Variants in SPOPL observed in about 807,000 individuals in gnomAD.
SPOPL encodes speckle-type POZ protein-like.
In SPOPL, 23 loss-of-function variants were observed where a neutral mutation model predicts 53.8. The ratio of observed to expected loss-of-function variants is 0.43; its 90% CI spans 0.31 to 0.61. The LOEUF (loss-of-function observed/expected upper bound fraction) is 0.61, where lower values mean the gene tolerates loss of function less well. SPOPL is among the 20% of genes least tolerant of loss of function. The probability of loss-of-function intolerance (pLI) is 0.12; values close to 1 mark genes in which losing one functional copy is unlikely to be tolerated. For missense variants in SPOPL, 442 were observed against 466.9 expected, an observed-to-expected ratio of 0.95 and a Z score of 0.49; for synonymous variants, 164 against 149.7, an observed-to-expected ratio of 1.10 and a Z score of -0.70.
chr2:138,520,104 G>A (rs1684524763), intron 1 of SPOPL, among the ~76,000 whole-genome samples: 1 of 152,152 alleles, frequency 6.6e-6, no homozygotes, highest in Non-Finnish European at 1.5e-5. Flanking sequence ...GTAAAAGAAT[G>A]TTACTATAGT....
At chr2:138,521,404 A>G (rs1318470349) in intron 1 of SPOPL, among the ~76,000 whole-genome samples, 1 of 151,270 alleles carries the variant, frequency 6.6e-6, no homozygotes, top group Admixed American at 6.6e-5. Context: ...GTTGCCATGG[A>G]AAATGACATT....
chr2:138,510,783 A>C (rs936145864), intron 1 of SPOPL, among the ~76,000 whole-genome samples: 1 of 152,194 alleles, frequency 6.6e-6, no homozygotes, highest in Non-Finnish European at 1.5e-5. Flanking sequence ...TGTTTTAGGA[A>C]ATTCCTCTGT....
At chr2:138,532,781 A>G (rs891143602) in intron 1 of SPOPL, among the ~76,000 whole-genome samples, 1 of 151,988 alleles carries the variant, frequency 6.6e-6, no homozygotes, top group Non-Finnish European at 1.5e-5. Flanking sequence ...TTGAAATGTC[A>G]GCCCACCTTT....
chr2:138,566,144 T>C (rs1685654956), intron 10 of SPOPL, among the ~76,000 whole-genome samples: 1 of 152,202 alleles, frequency 6.6e-6, no homozygotes, highest in East Asian at 1.9e-4. Flanking sequence ...CTTATTAGTT[T>C]GTAGATTCTG....
chr2:138,554,374 A>C (rs187896552), intron 5 of SPOPL: 175 of 966,284 alleles, frequency 1.8e-4, no homozygotes, highest in Non-Finnish European at 1.1e-5. Flanking sequence ...GGTACTTTTA[A>C]CTAACATTCT....
chr2:138,546,573 A>C (rs142312150), intron 1 of SPOPL, among the ~76,000 whole-genome samples: 1,655 of 152,240 alleles, frequency 0.011, 34 homozygotes, highest in African/African-American at 0.038. Context: ...TTGGACAGTT[A>C]TTATTTTCTG....
intron 1 of SPOPL, among the ~76,000 whole-genome samples, chr2:138,542,702 G>C (rs1237216652): frequency 6.6e-6 from 1 of 152,168 alleles, no homozygotes; most frequent in African/African-American, 2.4e-5. Flanking sequence ...TTGCCAGTCT[G>C]TGTCTTTTAA....
chr2:138,525,300 C>T (rs953554708), intron 1 of SPOPL, among the ~76,000 whole-genome samples: 9 of 152,062 alleles, frequency 5.9e-5, no homozygotes, highest in African/African-American at 1.9e-4. Context: ...GGGAAAGACC[C>T]GCCCCCATGA....
chr2:138,562,803 A>G (rs1356298445), intron 8 of SPOPL, among the ~76,000 whole-genome samples: 3 of 150,922 alleles, frequency 2.0e-5, no homozygotes, highest in East Asian at 1.9e-4. Flanking sequence ...AAAAAAAAAA[A>G]GTAATGCAAA....
chr2:138,533,901 A>G (rs1684871643), intron 1 of SPOPL, among the ~76,000 whole-genome samples: 2 of 152,188 alleles, frequency 1.3e-5, no homozygotes, highest in Non-Finnish European at 2.9e-5. Flanking sequence ...CTCCTAGAAG[A>G]TGAATGAGCT....
chr2:138,540,128 A>G (rs193071019), intron 1 of SPOPL, among the ~76,000 whole-genome samples: 1,899 of 152,298 alleles, frequency 0.012, 41 homozygotes, highest in South Asian at 0.052. Flanking sequence ...TACCAGTACC[A>G]TGCTGTTTTG....
chr2:138,504,819 A>G (rs974382011), intron 1 of SPOPL, among the ~76,000 whole-genome samples: 4 of 152,266 alleles, frequency 2.6e-5, no homozygotes, highest in Non-Finnish European at 4.4e-5. Context: ...GCTCCTGTAC[A>G]GAGAAGAGTA....
chr2:138,559,928 G>C (rs955251054), intron 7 of SPOPL, among the ~76,000 whole-genome samples: 3 of 152,052 alleles, frequency 2.0e-5, no homozygotes, highest in South Asian at 2.1e-4. Flanking sequence ...TATTCTTTCT[G>C]CAGAACTAGA....
At chr2:138,530,796 T>C (rs72860810) in intron 1 of SPOPL, among the ~76,000 whole-genome samples, 73,658 of 151,998 alleles carry the variant, frequency 0.48, 22,030 homozygotes, top group Non-Finnish European at 0.67. Flanking sequence ...CCAATTCTTA[T>C]GCTTTTCATT....
intron 1 of SPOPL, among the ~76,000 whole-genome samples, chr2:138,526,638 A>T (rs1291317516): frequency 6.6e-6 from 1 of 152,140 alleles, no homozygotes; most frequent in African/African-American, 2.4e-5. Flanking sequence ...GGTTCAGAAT[A>T]CATTTTAAAT....
In SPOPL at chr2:138,550,918, C is replaced by A. The variant is rs1685302051; in HGVS notation, c.216C>A (p.Asn72Lys). ...SDKMKWCLRV[N>K]PKGLDDESKD... The stretch of plus-strand genomic sequence containing the variant: ...TTTATTTTAGGTGCCTGAGGGTAAA[C>A]CCAAAGGGATTAGATGATGAAAGTA... Residue 72 changes from asparagine to lysine, a missense_variant, in exon 4 of 11, where the codon AAC becomes AAA. Physicochemically the swap from Asn to Lys is moderately conservative, Grantham distance 94. Transcript: ENST00000280098. 6.2e-7 allele frequency: 1 copy of A among 1,611,732 alleles called. No homozygotes were observed. Among genetic ancestry groups the A allele is most frequent in the African/African-American group, 1.3e-5 (1 of 74,736 alleles).
intron 1 of SPOPL, among the ~76,000 whole-genome samples, chr2:138,520,839 A>G (rs1684541085): frequency 6.6e-6 from 1 of 152,198 alleles, no homozygotes; most frequent in African/African-American, 2.4e-5. Flanking sequence ...TACCTCTTAT[A>G]ACTGTAGTTA....
chr2:138,512,225 C>T (rs759230658), intron 1 of SPOPL, among the ~76,000 whole-genome samples: 27 of 152,034 alleles, frequency 1.8e-4, no homozygotes, highest in Non-Finnish European at 3.1e-4. Context: ...TGTAAGATTG[C>T]AGTCTTGACA....
rs139945809 is a variant in SPOPL at position 138,502,305 on chromosome 2, G to A, written c.-61+186G>A. Reference sequence around the variant, plus strand: ...CTGGGGACTACCTCCCACGCCCCCGGACCGCCCTTCCCTCGCGCGGCGGCA... The same window carrying A: ...CTGGGGACTACCTCCCACGCCCCCGAACCGCCCTTCCCTCGCGCGGCGGCA... On this transcript the variant is annotated intron_variant, in intron 1 of 10. Coordinates refer to ENST00000280098, the MANE Select transcript of SPOPL (RefSeq NM_001001664.3). Among the ~76,000 whole-genome samples the A allele has an allele frequency of 2.8e-3, 420 of 152,306 alleles. 3 individuals carry two copies. The highest frequency in any genetic ancestry group is 9.5e-3 in the African/African-American group (397 of 41,582).
Sources: gnomAD v4.1 joint callset for allele counts (sites outside exome capture counted in the v4.1 genomes callset) on GRCh38, gnomAD v4.1.1 for gene constraint, MANE v1.5 for transcripts, NCBI Gene and HGNC (gene_info 2026-07-23, HGNC 2026-07-21) for gene names.